The following ASNS variants were observed in gnomAD, a reference collection of about 807,000 sequenced individuals.
ASNS encodes the protein asparagine synthetase (glutamine-hydrolyzing).
In ASNS, 37 loss-of-function variants were observed where a neutral mutation model predicts 62.6. That is an observed-to-expected ratio of 0.59 (90% CI 0.45 to 0.78). The LOEUF (loss-of-function observed/expected upper bound fraction) is 0.78. ASNS is among the 30% of genes least tolerant of loss of function. The pLI is 0.00. For synonymous variants in ASNS, 207 were observed against 237.9 expected, an observed-to-expected ratio of 0.87 and a Z score of 1.19; for missense variants, 520 against 682.4, an observed-to-expected ratio of 0.76 and a Z score of 2.65.
the ASNS span, chr7:97,912,885 T>A: frequency 7.2e-6 from 1 of 139,728 alleles, no homozygotes; most frequent in African/African-American, 2.6e-5. Context: ...CCCAGCCAAT[T>A]TGCTATTTTT....
intron 7 of ASNS, 152 bp from the exon 8 acceptor site, chr7:97,856,968 T>C: frequency 1.3e-6 from 1 of 748,672 alleles, no homozygotes; most frequent in East Asian, 2.7e-5. Context: ...GCCCACCACA[T>C]ACAAGCCCCA....
In ASNS at chr7:97,854,623, A is replaced by G. The variant is rs1791347421; in HGVS notation, c.1195T>C (p.Leu399=). 6.2e-7 allele frequency: 1 copy of G among 1,614,168 alleles called. No homozygotes were observed. The highest frequency in any genetic ancestry group is 1.7e-4 in the Middle Eastern group (1 of 6,056). The stretch of plus-strand genomic sequence containing the variant: ...CGATCTGCGCGGAGAACATCAAACA[A>G]ATAGAGTTCCCTCAGAAGCCTCTCA... ...ESERLLRELY[L]FDVLRADRTT... is the part of the protein sequence containing the mutation. Residue 399 remains leucine (L), a synonymous_variant, in exon 10 of 13, where the codon TTG becomes CTG. Transcript: ENST00000394308.
chr7:97,898,484 CT>C, the ASNS span: 10 of 542,052 alleles, frequency 1.8e-5, no homozygotes, highest in Non-Finnish European at 3.1e-5. Context: ...AGCATTTTTA[CT>C]TTTCTAATGA....
At chr7:97,924,549 C>T in the ASNS span, among the ~76,000 whole-genome samples, 4,161 of 152,316 alleles carry the variant, frequency 0.027, 105 homozygotes, top group African/African-American at 0.06. Context: ...CACCCTGTCT[C>T]GGACAGCCAG....
rs918405944 is a variant in ASNS at position 97,853,054 on chromosome 7, T to TAA, written c.1476+5_1476+6insTT. 1.3e-6 allele frequency: 2 copies of TAA among 1,558,120 alleles called. No homozygotes were observed. The highest frequency in any genetic ancestry group is 1.7e-6 in the Non-Finnish European group (2 of 1,156,006). The stretch of plus-strand genomic sequence containing the variant: ...ATTCCTGAAAATGTTTTTAAAGACA[T>TAA]TATACCTGATGTTCAACGTATTCCT... On this transcript the variant is annotated splice_donor_region_variant and intron_variant, in intron 12 of 12. Transcript: ENST00000394308.
the ASNS span, among the ~76,000 whole-genome samples, chr7:97,893,055 A>G: frequency 1.3e-5 from 2 of 152,084 alleles, no homozygotes; most frequent in African/African-American, 4.8e-5. Context: ...ATGGACTTAC[A>G]GTTCTACATT....
intron 3 of ASNS, among the ~76,000 whole-genome samples, chr7:97,866,417 C>T (rs1488804914): frequency 3.3e-5 from 5 of 152,140 alleles, no homozygotes; most frequent in Non-Finnish European, 7.3e-5. Flanking sequence ...GTCTGCATTC[C>T]CCAAAAGAAC....
chr7:97,928,335 G>A, the ASNS span: 3 of 1,267,614 alleles, frequency 2.4e-6, no homozygotes, highest in Admixed American at 4.1e-5. Context: ...TGGGGAAGAA[G>A]GACCCGGCGC....
chr7:97,896,733 CACACACACATAT>C, the ASNS span, among the ~76,000 whole-genome samples: 7 of 26,262 alleles, frequency 2.7e-4, no homozygotes, highest in African/African-American at 6.3e-4. Flanking sequence ...CACACACACA[CACACACACATAT>C]ATATATATAT....
the ASNS span, among the ~76,000 whole-genome samples, chr7:97,922,471 G>T: frequency 6.6e-6 from 1 of 152,212 alleles, no homozygotes; most frequent in Non-Finnish European, 1.5e-5. Context: ...GACACAGAAT[G>T]TCATTTTTAG....
At chr7:97,876,808 G>A (rs1792447499), upstream of ASNS, among the ~76,000 whole-genome samples, 1 of 152,130 alleles carries the variant, frequency 6.6e-6, no homozygotes, top group African/African-American at 2.4e-5. Context: ...ACTGAGTTGG[G>A]ATCTATCCCT....
the ASNS span, among the ~76,000 whole-genome samples, chr7:97,884,992 G>A: frequency 2.0e-5 from 3 of 152,138 alleles, no homozygotes; most frequent in Admixed American, 1.3e-4. Context: ...TCCGCCTCCC[G>A]GGTTCAAGCA....
At chr7:97,928,324 T>C in the ASNS span, 1 of 1,339,482 alleles carries the variant, frequency 7.5e-7, no homozygotes, top group African/African-American at 1.5e-5. Flanking sequence ...CTGCCTGCAT[T>C]TGGGGAAGAA....
chr7:97,920,981 C>A, the ASNS span, among the ~76,000 whole-genome samples: 1 of 152,204 alleles, frequency 6.6e-6, no homozygotes, highest in East Asian at 1.9e-4. Flanking sequence ...GATCCCAAGC[C>A]CTTGCCTGGA....
At chr7:97,862,096 A>G (rs150976132) in intron 4 of ASNS, among the ~76,000 whole-genome samples, 26 of 148,874 alleles carry the variant, frequency 1.7e-4, no homozygotes, top group African/African-American at 6.4e-4. Context: ...CAATTCAGTA[A>G]TAAAAAGACA....
the ASNS span, among the ~76,000 whole-genome samples, chr7:97,880,181 G>C: frequency 6.6e-6 from 1 of 151,102 alleles, no homozygotes; most frequent in Non-Finnish European, 1.5e-5. Flanking sequence ...CTGGAGTGTA[G>C]TGGTGTGATC....
chr7:97,883,410 C>A, the ASNS span, among the ~76,000 whole-genome samples: 1 of 152,092 alleles, frequency 6.6e-6, no homozygotes, highest in African/African-American at 2.4e-5. Context: ...TTCTTACCTT[C>A]CCTCCAGCCC....
intron 7 of ASNS, among the ~76,000 whole-genome samples, chr7:97,857,638 C>T (rs76511863): frequency 2.8e-5 from 3 of 106,908 alleles, no homozygotes; most frequent in East Asian, 2.9e-4. Context: ...AAAAAAAAAA[C>T]GAACAAAAAA....
chr7:97,855,293 TCAAA>T, intron 9 of ASNS, 56 bp downstream of exon 9: 1 of 1,225,262 alleles, frequency 8.2e-7, no homozygotes, highest in Non-Finnish European at 1.2e-6. Context: ...TAGAAAATAG[TCAAA>T]CAATTCATAC....
Sources: allele counts gnomAD v4.1 joint callset (sites outside exome capture counted in the v4.1 genomes callset), GRCh38; gene constraint gnomAD v4.1.1; transcripts MANE v1.5; gene names NCBI Gene and HGNC (gene_info 2026-07-23, HGNC 2026-07-21).